ADGRD1: variants seen among roughly 807,000 people sequenced by gnomAD.
ADGRD1 encodes adhesion G protein-coupled receptor D1.
A neutral mutation model predicts 113.4 loss-of-function variants in ADGRD1; 77 were observed. The observed-to-expected ratio is 0.68, with a 90% CI of 0.57 to 0.82. The LOEUF (loss-of-function observed/expected upper bound fraction) is 0.82. Ranked by LOEUF, ADGRD1 falls within the 40% of genes least tolerant of loss-of-function variation. The probability of loss-of-function intolerance (pLI) is 0.00; values close to 1 mark genes in which losing one functional copy is unlikely to be tolerated. For synonymous variants in ADGRD1, 474 were observed against 475.0 expected (o/e 1.00, Z 0.03); for missense variants, 1,036 against 1,139.1 (o/e 0.91, Z 1.30).
chr12:131,068,763 G>A (rs1884921517), intron 13 of ADGRD1, among the ~76,000 whole-genome samples: 1 of 152,164 alleles, frequency 6.6e-6, no homozygotes, highest in Non-Finnish European at 1.5e-5. Context: ...AAACCATTTG[G>A]CCAACTTCAT....
chr12:131,084,632 T>C lies in ADGRD1; in HGVS notation c.1640T>C (p.Phe547Ser). The change falls in exon 15 of 25, where the codon TTT (phenylalanine) becomes TCT (serine). Residue 547 changes from phenylalanine (F) to serine (S), a missense_variant. Transcript: ENST00000261654. The surrounding 1 kb of genome is among the most constrained non-coding windows in gnomAD (Gnocchi z 4.5). ...TGCCGCTGCACTCACCTCACCAACT[T>C]TGCCATCCTCATGCAGGTGGTCCCG... ...SVCRCTHLTN[F>S]AILMQVVPLE... 6.2e-7 allele frequency: 1 copy of C among 1,614,082 alleles called. No individual in the cohort carries two copies. The highest frequency in any genetic ancestry group is 1.7e-5 in the Admixed American group (1 of 60,012).
At chr12:131,048,439 C>T (rs1026074523) in intron 13 of ADGRD1, among the ~76,000 whole-genome samples, 3 of 152,192 alleles carry the variant, frequency 2.0e-5, no homozygotes, top group Non-Finnish European at 2.9e-5. Context: ...AGCTGTGGGG[C>T]GGCCCAGATG....
rs73468791 is a variant in ADGRD1, at chr12:131,118,355, G to T, written c.2042-30G>T. ...GAGGGAGGGAAGAAAACTGGAGCAA[G>T]TGAACATGATATTCTCCAATCTTCT... is the stretch of plus-strand genomic sequence containing the variant. On this transcript the variant is annotated intron_variant, in intron 18 of 24. Coordinates refer to ENST00000261654, the MANE Select transcript of ADGRD1 (RefSeq NM_198827.5). The T allele has an allele frequency of 1.5e-4, 228 of 1,564,326 alleles. No homozygotes were observed. In the African/African-American group the frequency reaches 2.9e-3, roughly 20 times the overall value.
At chr12:131,126,494 G>C (rs1950740358) in intron 20 of ADGRD1, among the ~76,000 whole-genome samples, 1 of 152,184 alleles carries the variant, frequency 6.6e-6, no homozygotes, top group Admixed American at 6.5e-5. Flanking sequence ...CTAGCTATTT[G>C]TATGTGTGTA....
intron 5 of ADGRD1, among the ~76,000 whole-genome samples, chr12:130,986,142 T>C (rs1873639805): frequency 6.6e-6 from 1 of 152,338 alleles, no homozygotes; most frequent in African/African-American, 2.4e-5. Flanking sequence ...GTATTGGCTA[T>C]TCTGGCTCTC....
chr12:131,062,984 G>C (rs976882170), intron 13 of ADGRD1, among the ~76,000 whole-genome samples: 3 of 152,160 alleles, frequency 2.0e-5, no homozygotes, highest in African/African-American at 7.2e-5. Flanking sequence ...AATGATGAGT[G>C]ATGTTGAAAA....
At chr12:131,108,299 G>C (rs1240375880) in intron 17 of ADGRD1, among the ~76,000 whole-genome samples, 1 of 152,158 alleles carries the variant, frequency 6.6e-6, no homozygotes, top group Non-Finnish European at 1.5e-5. Flanking sequence ...ACACCTCTCT[G>C]GGAGCCACGT....
rs150646270 is a variant in ADGRD1 at position 131,060,041 on chromosome 12, G to T, written c.1474-16760G>T. Among the ~76,000 whole-genome samples, 545 of 152,380 alleles carry T rather than the reference G, an allele frequency of 3.6e-3. 7 individuals carry two copies. Among genetic ancestry groups the T allele is most frequent in the African/African-American group, 0.011 (476 of 41,596 alleles). ...CTTCTCTGATACCCACCACTGGGAA[G>T]GGCCATGTGCCGCAGTACTGCGGCG... On this transcript the variant is annotated intron_variant, in intron 13 of 24. Transcript: ENST00000261654. This position sits in a 1 kb window ranked among gnomAD's most constrained non-coding sequence, Gnocchi z 4.4.
intron 15 of ADGRD1, among the ~76,000 whole-genome samples, chr12:131,092,533 C>T (rs980786668): frequency 6.6e-6 from 1 of 152,296 alleles, no homozygotes; most frequent in Non-Finnish European, 1.5e-5. Flanking sequence ...CGCCACGGTG[C>T]GCTCTTTCTT....
At chr12:131,072,836 G>T (rs1175953440) in intron 13 of ADGRD1, among the ~76,000 whole-genome samples, 2 of 152,228 alleles carry the variant, frequency 1.3e-5, no homozygotes, top group Non-Finnish European at 2.9e-5. Context: ...AGCCTGGGCT[G>T]AGTGGGATGT....
intron 19 of ADGRD1, among the ~76,000 whole-genome samples, chr12:131,118,830 C>T (rs1387758791): frequency 6.6e-6 from 1 of 152,214 alleles, no homozygotes; most frequent in East Asian, 1.9e-4. Flanking sequence ...GCGCACTGTG[C>T]AGACCGTGTG....
rs1462398318 is a variant in ADGRD1, at chr12:131,139,525, A to G, written c.*262A>G. On this transcript the variant is annotated 3_prime_UTR_variant, in exon 25 of 25. Coordinates refer to ENST00000261654, the MANE Select transcript of ADGRD1 (RefSeq NM_198827.5). The stretch of plus-strand genomic sequence containing the variant: ...GTGACTTCCTCGGGGGATTCCCAGG[A>G]CACAGTGGCCTGACTGTGATGGTGC... 3 of 450,052 alleles carry G rather than the reference A, an allele frequency of 6.7e-6. No individual in the cohort carries two copies. Among genetic ancestry groups the G allele is most frequent in the African/African-American group, 4.0e-5 (2 of 50,110 alleles). 27.9% of individuals were successfully genotyped at this position (450,052 alleles called of 1,614,324 possible).
intron 2 of ADGRD1, among the ~76,000 whole-genome samples, chr12:130,964,385 T>C (rs1870764535): frequency 1.3e-5 from 2 of 152,180 alleles, no homozygotes; most frequent in Non-Finnish European, 2.9e-5. Flanking sequence ...TCTCCTCTAA[T>C]TTAAAAGACC....
At chr12:130,955,945 C>T (rs762934426) in intron 2 of ADGRD1, among the ~76,000 whole-genome samples, 3 of 152,184 alleles carry the variant, frequency 2.0e-5, no homozygotes, top group Non-Finnish European at 4.4e-5. Flanking sequence ...CATGCCACCA[C>T]GCCTGGCTAA....
intron 4 of ADGRD1, chr12:130,978,257 G>A (rs554347524): frequency 3.3e-5 from 5 of 152,106 alleles, no homozygotes; most frequent in Admixed American, 1.3e-4. Flanking sequence ...AGTTTGTTAC[G>A]GTAATTTTTT....
intron 13 of ADGRD1, among the ~76,000 whole-genome samples, chr12:131,038,179 G>A (rs181526440): frequency 5.9e-5 from 9 of 152,372 alleles, no homozygotes; most frequent in Non-Finnish European, 8.8e-5. Context: ...CTGTTGAGAC[G>A]TGTGGGGACC....
chr12:131,097,486 G>A (rs1328372635), intron 15 of ADGRD1, among the ~76,000 whole-genome samples: 1 of 152,212 alleles, frequency 6.6e-6, no homozygotes, highest in Admixed American at 6.5e-5. Flanking sequence ...ATCAGTGGAC[G>A]TGAAATGTGC....
At chr12:131,089,807 G>A (rs977426114) in intron 15 of ADGRD1, among the ~76,000 whole-genome samples, 4 of 152,252 alleles carry the variant, frequency 2.6e-5, no homozygotes, top group Admixed American at 2.6e-4. Flanking sequence ...ATTCCCTGAG[G>A]TCACATCAGG....
intron 15 of ADGRD1, among the ~76,000 whole-genome samples, chr12:131,100,651 G>C (rs1950047953): frequency 6.6e-6 from 1 of 152,180 alleles, no homozygotes; most frequent in Non-Finnish European, 1.5e-5. Context: ...CGATAATATG[G>C]TTGGAAGGCT....
Sources: allele counts gnomAD v4.1 joint callset (sites outside exome capture counted in the v4.1 genomes callset), GRCh38; gene constraint gnomAD v4.1.1; non-coding constraint Gnocchi (gnomAD v3.1); transcripts MANE v1.5; gene names NCBI Gene and HGNC (gene_info 2026-07-23, HGNC 2026-07-21).